Variants in TSNARE1 observed in about 807,000 individuals in gnomAD.
The protein encoded by TSNARE1 is t-SNARE domain containing 1.
TSNARE1 carries 49 observed loss-of-function variants against 62.0 expected under a neutral mutation model. The ratio of observed to expected loss-of-function variants is 0.79; its 90% CI spans 0.63 to 1.00. The LOEUF is 1.00. Ranked by LOEUF, TSNARE1 falls within the 50% of genes least tolerant of loss-of-function variation. TSNARE1 has a pLI of 0.00. For missense variants in TSNARE1, 755 were observed against 700.1 expected, an observed-to-expected ratio of 1.08 and a Z score of -0.88; for synonymous variants, 328 against 294.4, an observed-to-expected ratio of 1.11 and a Z score of -1.17.
chr8:142,274,973 G>A, intron 11 of TSNARE1, 110 bp from the exon 12 acceptor site: 2 of 1,392,132 alleles, frequency 1.4e-6, no homozygotes, highest in Non-Finnish European at 1.9e-6. Flanking sequence ...GGCCTGCAGA[G>A]GAGCAGAGGC....
chr8:142,284,333 T>A, intron 11 of TSNARE1, 80 bp downstream of exon 11: 1 of 1,186,068 alleles, frequency 8.4e-7, no homozygotes, highest in Non-Finnish European at 1.2e-6. Flanking sequence ...CACCCACCCT[T>A]AGGTGAAGGG....
At chr8:142,379,551 C>A (rs1384444417) in intron 1 of TSNARE1, among the ~76,000 whole-genome samples, 1 of 152,264 alleles carries the variant, frequency 6.6e-6, no homozygotes, top group African/African-American at 2.4e-5. Context: ...CTTGTCCTTA[C>A]ACCTTCGTTT....
At chr8:142,217,687 G>A (rs1815951395) in intron 13 of TSNARE1, among the ~76,000 whole-genome samples, 1 of 152,248 alleles carries the variant, frequency 6.6e-6, no homozygotes. Flanking sequence ...TCCATAGCCA[G>A]GTTTAGGTTC....
At chr8:142,234,075 C>T (rs909535156) in intron 12 of TSNARE1, among the ~76,000 whole-genome samples, 1 of 152,238 alleles carries the variant, frequency 6.6e-6, no homozygotes, top group African/African-American at 2.4e-5. Flanking sequence ...ACAAGTGACC[C>T]CAATCATGGA....
chr8:142,377,642 A>G (rs77094377), intron 1 of TSNARE1, among the ~76,000 whole-genome samples: 3,364 of 152,286 alleles, frequency 0.022, 40 homozygotes, highest in East Asian at 0.069. Context: ...GTGCTGGTGC[A>G]TAACTGGGGG....
intron 1 of TSNARE1, among the ~76,000 whole-genome samples, chr8:142,359,894 G>T (rs1835026762): frequency 6.6e-6 from 1 of 152,246 alleles, no homozygotes; most frequent in Non-Finnish European, 1.5e-5. Context: ...GCCAATCACA[G>T]CTGGCATAGC....
rs759378373 is a variant in TSNARE1 at position 142,273,188 on chromosome 8, TCCTTCA to T, written c.1446+1587_1446+1592del. 113 of 984,310 alleles carry T rather than the reference TCCTTCA, an allele frequency of 1.1e-4. No homozygotes were observed. In the South Asian group the frequency reaches 3.4e-3, roughly 30 times the overall value. The allele number at this position is 984,310 out of a possible 1,614,324, so 61.0% of individuals were successfully genotyped here. ...TGCCACTGCCCTCCTTTCCTCCTCC[TCCTTCA>T]CCTCCTCCTCTTCCTCACTGTCCCA... On this transcript the variant is annotated intron_variant, in intron 12 of 13. Coordinates refer to ENST00000524325, the MANE Select transcript of TSNARE1 (RefSeq NM_145003.5).
intron 12 of TSNARE1, among the ~76,000 whole-genome samples, chr8:142,264,820 G>A (rs1819051670): frequency 6.6e-6 from 1 of 152,098 alleles, no homozygotes; most frequent in South Asian, 2.1e-4. Context: ...AATAGTAAAG[G>A]TGTTATTTTT....
chr8:142,340,079 G>A (rs753624771), intron 4 of TSNARE1, among the ~76,000 whole-genome samples: 4 of 152,210 alleles, frequency 2.6e-5, no homozygotes, highest in African/African-American at 7.2e-5. Flanking sequence ...GGCCAGGGTC[G>A]GGGCCTCATG....
rs754496046 is a variant in TSNARE1 at position 142,229,507 on chromosome 8, T to A, written c.1519A>T (p.Ile507Phe). 5.0e-6 allele frequency: 8 copies of A among 1,587,708 alleles called. No homozygotes were observed. The highest frequency in any genetic ancestry group is 1.7e-5 in the Admixed American group (1 of 59,336). ...VTALLVIIII[I>F]ATSVRK ...CATCACTTTCGGACAGAGGTGGCGA[T>A]GATGATGATGATGACAAGCAGGGCA... Residue 507 changes from isoleucine to phenylalanine, a missense_variant, in exon 13 of 14, where the codon ATC (isoleucine) becomes TTC (phenylalanine). Ile to Phe is a conservative substitution (Grantham distance 21). Coordinates refer to ENST00000524325, the MANE Select transcript of TSNARE1 (RefSeq NM_145003.5).
chr8:142,391,279 G>A (rs1380609976), intron 1 of TSNARE1, among the ~76,000 whole-genome samples: 1 of 147,720 alleles, frequency 6.8e-6, no homozygotes, highest in Non-Finnish European at 1.5e-5. Context: ...GCTGTACACT[G>A]CTGGGGACTC....
chr8:142,391,250 T>G (rs570201993), intron 1 of TSNARE1, among the ~76,000 whole-genome samples: 1 of 138,976 alleles, frequency 7.2e-6, no homozygotes. Flanking sequence ...TGTACACTGC[T>G]GGGGACTCTA....
chr8:142,274,910 G>C, intron 11 of TSNARE1, 47 bp from the exon 12 acceptor site: 1 of 1,457,402 alleles, frequency 6.9e-7, no homozygotes, highest in South Asian at 1.4e-5. Context: ...AGGCCCAGCC[G>C]CCCCCGCCCT....
intron 10 of TSNARE1, among the ~76,000 whole-genome samples, chr8:142,286,762 T>G (rs1271534887): frequency 6.6e-6 from 1 of 152,158 alleles, no homozygotes; most frequent in Non-Finnish European, 1.5e-5. Flanking sequence ...TTCCCAGTTA[T>G]AGACGTGATC....
chr8:142,220,458 G>A (rs962514519), intron 13 of TSNARE1, among the ~76,000 whole-genome samples: 3 of 152,158 alleles, frequency 2.0e-5, no homozygotes, highest in Non-Finnish European at 4.4e-5. Flanking sequence ...AGATCTTGAT[G>A]GAGAAGCCTC....
chr8:142,344,550 C>T (rs1200317331), intron 3 of TSNARE1, 78 bp from the exon 4 acceptor site: 22 of 1,384,594 alleles, frequency 1.6e-5, no homozygotes, highest in South Asian at 4.6e-5. Flanking sequence ...CTCCCTACGG[C>T]GCCTCCTCTC....
At chr8:142,234,105 A>G (rs1404819834) in intron 12 of TSNARE1, among the ~76,000 whole-genome samples, 1 of 152,234 alleles carries the variant, frequency 6.6e-6, no homozygotes, top group Admixed American at 6.5e-5. Context: ...AGGCTCCAAG[A>G]TGGCTCCATG....
Position 142,360,118 on chromosome 8 carries a change from G to A in TSNARE1, c.-39-5355C>T, listed in dbSNP as rs568248465. Reference sequence around the variant, plus strand: ...CAGGCCTTCCCAACCAAAGCACTCTGCTGAGTTCAGGACGCGGTGGCGCCC... The same window carrying A: ...CAGGCCTTCCCAACCAAAGCACTCTACTGAGTTCAGGACGCGGTGGCGCCC... On this transcript the variant is annotated intron_variant, in intron 1 of 13. Coordinates refer to ENST00000524325, the MANE Select transcript of TSNARE1 (RefSeq NM_145003.5). Among the ~76,000 whole-genome samples the A allele has an allele frequency of 1.2e-3, 181 of 152,362 alleles. 1 individual carries two copies. Among genetic ancestry groups the A allele is most frequent in the African/African-American group, 3.8e-3 (157 of 41,590 alleles).
At chr8:142,216,641 A>G (rs1216641720) in intron 13 of TSNARE1, among the ~76,000 whole-genome samples, 2 of 148,274 alleles carry the variant, frequency 1.3e-5, no homozygotes, top group African/African-American at 4.9e-5. Context: ...GCCTCACTCC[A>G]TCCTCTCCCT....
Sources: gnomAD v4.1 joint callset for allele counts (sites outside exome capture counted in the v4.1 genomes callset) on GRCh38, gnomAD v4.1.1 for gene constraint, MANE v1.5 for transcripts, NCBI Gene and HGNC (gene_info 2026-07-23, HGNC 2026-07-21) for gene names.